The following TMEM17 variants were observed in gnomAD, a reference collection of about 807,000 sequenced individuals.
TMEM17 encodes transmembrane protein 17.
TMEM17 carries 15 observed loss-of-function variants against 19.1 expected under a neutral mutation model. The ratio of observed to expected loss-of-function variants is 0.78; its 90% CI spans 0.52 to 1.21. TMEM17 has a LOEUF of 1.21. Among genes scored for constraint, TMEM17 ranks in the 50% most tolerant of loss-of-function variants. TMEM17 has a pLI of 0.00. For missense variants in TMEM17, 245 were observed against 242.3 expected (o/e 1.01, Z -0.07); for synonymous variants, 103 against 86.9 (o/e 1.19, Z -1.03).
chr2:62,462,415 C>T, the TMEM17 span, among the ~76,000 whole-genome samples: 1 of 152,174 alleles, frequency 6.6e-6, no homozygotes, highest in Admixed American at 6.5e-5. Flanking sequence ...GTCCCTTTGG[C>T]TTCCCATTCT....
At chr2:62,471,244 T>A in the TMEM17 span, among the ~76,000 whole-genome samples, 2 of 151,972 alleles carry the variant, frequency 1.3e-5, no homozygotes, top group Non-Finnish European at 2.9e-5. Context: ...TTAGAACCAA[T>A]TGGGGAAGTA....
the TMEM17 span, among the ~76,000 whole-genome samples, chr2:62,475,494 C>T: frequency 6.6e-6 from 1 of 152,248 alleles, no homozygotes; most frequent in Non-Finnish European, 1.5e-5. Context: ...CTGCTGCTCC[C>T]TGGCGGTTCT....
the TMEM17 span, among the ~76,000 whole-genome samples, chr2:62,454,927 G>T: frequency 4.6e-5 from 7 of 152,202 alleles, no homozygotes; most frequent in East Asian, 3.9e-4. Flanking sequence ...GGATGGTCTC[G>T]ATCTCCTGAC....
chr2:62,497,663 C>G (rs1304919941), downstream of TMEM17, among the ~76,000 whole-genome samples: 1 of 152,232 alleles, frequency 6.6e-6, no homozygotes, highest in Non-Finnish European at 1.5e-5. Flanking sequence ...TCTGCCTTTT[C>G]TACCAGACAG....
At chr2:62,479,307 G>A in the TMEM17 span, among the ~76,000 whole-genome samples, 2 of 152,124 alleles carry the variant, frequency 1.3e-5, no homozygotes, top group East Asian at 1.9e-4. Context: ...ATATGAAGGG[G>A]GACATGCAGG....
chr2:62,485,013 C>T, the TMEM17 span, among the ~76,000 whole-genome samples: 5 of 152,266 alleles, frequency 3.3e-5, no homozygotes, highest in South Asian at 1.0e-3. Context: ...TCTCAGCTTA[C>T]TGCAACCTCC....
the TMEM17 span, among the ~76,000 whole-genome samples, chr2:62,454,519 A>G: frequency 6.6e-6 from 1 of 152,162 alleles, no homozygotes; most frequent in Admixed American, 6.5e-5. Flanking sequence ...GATCCAGAGA[A>G]GTGCTGGGCC....
intron 3 of TMEM17, 165 bp from the exon 4 acceptor site, chr2:62,501,652 T>C: frequency 1.5e-6 from 1 of 650,978 alleles, no homozygotes; most frequent in Non-Finnish European, 2.6e-6. Context: ...ACAGTCTAGA[T>C]GAGAAAACTA....
At chr2:62,501,679 C>A (rs890872271) in intron 3 of TMEM17, 192 bp from the exon 4 acceptor site, 1 of 575,648 alleles carries the variant, frequency 1.7e-6, no homozygotes, top group Non-Finnish European at 3.0e-6. Context: ...GTAAAACAAT[C>A]CTAGAATACT....
At chr2:62,469,799 G>A in the TMEM17 span, among the ~76,000 whole-genome samples, 1 of 152,354 alleles carries the variant, frequency 6.6e-6, no homozygotes, top group South Asian at 2.1e-4. Context: ...CAGTCTTTGA[G>A]AAGACGCAGT....
chr2:62,478,393 G>A, the TMEM17 span, among the ~76,000 whole-genome samples: 1 of 152,216 alleles, frequency 6.6e-6, no homozygotes, highest in Non-Finnish European at 1.5e-5. Flanking sequence ...AGGCAGGAAT[G>A]AGGAAGTTCA....
At chr2:62,495,096 G>C in the TMEM17 span, among the ~76,000 whole-genome samples, 46 of 152,302 alleles carry the variant, frequency 3.0e-4, no homozygotes, top group Admixed American at 1.6e-3. Context: ...TATATACATT[G>C]TGATTGTACA....
rs118136151 is a variant in TMEM17 at position 62,501,164 on chromosome 2, C to T, written c.*45G>A. Reference sequence around the variant, plus strand: ...AGCTCTGATATTTTCCTAACTCTTACAGTCTCTAGAATGATCTGTCAGATT... The same window carrying T: ...AGCTCTGATATTTTCCTAACTCTTATAGTCTCTAGAATGATCTGTCAGATT... On this transcript the variant is annotated 3_prime_UTR_variant, in exon 4 of 4. Coordinates refer to ENST00000335390, the MANE Select transcript of TMEM17 (RefSeq NM_198276.3). 203 of 1,578,680 alleles carry T rather than the reference C, an allele frequency of 1.3e-4. No individual in the cohort carries two copies. The East Asian group carries it at 3.6e-3, about 28-fold the overall frequency.
At chr2:62,505,787 C>T (rs1680051164) in intron 1 of TMEM17, among the ~76,000 whole-genome samples, 1 of 152,134 alleles carries the variant, frequency 6.6e-6, no homozygotes, top group African/African-American at 2.4e-5. Context: ...CGTCAGCTGC[C>T]GCGCTTGCAA....
chr2:62,482,528 G>A, the TMEM17 span, among the ~76,000 whole-genome samples: 1 of 152,214 alleles, frequency 6.6e-6, no homozygotes, highest in East Asian at 1.9e-4. Flanking sequence ...TCTACCCTTA[G>A]TCAGAGGGAT....
At chr2:62,484,295 T>A in the TMEM17 span, among the ~76,000 whole-genome samples, 1 of 152,174 alleles carries the variant, frequency 6.6e-6, no homozygotes, top group Non-Finnish European at 1.5e-5. Flanking sequence ...ACAGTTGGGA[T>A]GCATATGAGC....
chr2:62,477,037 G>A, the TMEM17 span, among the ~76,000 whole-genome samples: 1 of 152,192 alleles, frequency 6.6e-6, no homozygotes, highest in Non-Finnish European at 1.5e-5. Flanking sequence ...AGGGAAGGAG[G>A]GATAGTCAAC....
chr2:62,492,021 A>C, the TMEM17 span, among the ~76,000 whole-genome samples: 1 of 152,198 alleles, frequency 6.6e-6, no homozygotes, highest in Admixed American at 6.5e-5. Flanking sequence ...TTTTTAAAAA[A>C]CAATGAGAGT....
At chr2:62,457,239 C>T in the TMEM17 span, among the ~76,000 whole-genome samples, 2 of 152,248 alleles carry the variant, frequency 1.3e-5, no homozygotes, top group African/African-American at 4.8e-5. The surrounding 1 kb of genome is among the most constrained non-coding windows in gnomAD (Gnocchi z 4.2). Flanking sequence ...CCGTCCCAGC[C>T]CCGCAGCCTT....
Sources: gnomAD v4.1 joint callset for allele counts (sites outside exome capture counted in the v4.1 genomes callset) on GRCh38, gnomAD v4.1.1 for gene constraint, Gnocchi (gnomAD v3.1) non-coding constraint, MANE v1.5 for transcripts, NCBI Gene and HGNC (gene_info 2026-07-23, HGNC 2026-07-21) for gene names.